The following CTNNA3 variants were observed in gnomAD, a reference collection of about 807,000 sequenced individuals.
CTNNA3 encodes the protein catenin alpha-3.
In CTNNA3, 76 loss-of-function variants were observed where a neutral mutation model predicts 95.7. That is an observed-to-expected ratio of 0.79 (90% CI 0.66 to 0.96). The LOEUF is 0.96. CTNNA3 is among the 40% of genes least tolerant of loss of function. CTNNA3 has a pLI of 0.00. For synonymous variants in CTNNA3, 431 were observed against 374.4 expected (o/e 1.15, Z -1.74); for missense variants, 1,191 against 1,089.8 (o/e 1.09, Z -1.31).
chr10:67,056,174 C>T (rs1341648111), intron 7 of CTNNA3, among the ~76,000 whole-genome samples: 1 of 152,114 alleles, frequency 6.6e-6, no homozygotes, highest in Non-Finnish European at 1.5e-5. Context: ...GAATTTATAT[C>T]ACATAAGAGT....
At chr10:66,688,909 G>A (rs1452966774) in intron 9 of CTNNA3, among the ~76,000 whole-genome samples, 1 of 150,760 alleles carries the variant, frequency 6.6e-6, no homozygotes, top group Non-Finnish European at 1.5e-5. Context: ...GGGAGGTGGA[G>A]CTTGCAGTGA....
intron 7 of CTNNA3, among the ~76,000 whole-genome samples, chr10:67,084,854 T>C (rs2131889869): frequency 6.6e-6 from 1 of 152,116 alleles, no homozygotes; most frequent in East Asian, 1.9e-4. Context: ...ATTCAGGTTA[T>C]AGATTAGCAG....
chr10:65,982,623 G>A (rs1230418015), intron 16 of CTNNA3, among the ~76,000 whole-genome samples: 5 of 150,584 alleles, frequency 3.3e-5, no homozygotes, highest in African/African-American at 1.2e-4. Context: ...ATCAATGAAT[G>A]ATAAAGAAAA....
intron 10 of CTNNA3, among the ~76,000 whole-genome samples, chr10:66,585,470 G>A (rs1433345757): frequency 1.3e-5 from 2 of 151,246 alleles, no homozygotes; most frequent in Non-Finnish European, 2.9e-5. Context: ...TCTTCTGCTT[G>A]GTCTAATCTA....
At chr10:66,344,688 A>G (rs569275447) in intron 12 of CTNNA3, among the ~76,000 whole-genome samples, 10 of 152,230 alleles carry the variant, frequency 6.6e-5, no homozygotes, top group Non-Finnish European at 8.8e-5. Flanking sequence ...TCTTCTCTCT[A>G]TGGTCCCAAA....
chr10:67,073,467 G>C (rs1856573025), intron 7 of CTNNA3, among the ~76,000 whole-genome samples: 1 of 151,512 alleles, frequency 6.6e-6, no homozygotes, highest in Non-Finnish European at 1.5e-5. Context: ...TAAATCCTTT[G>C]CCATCCTGAT....
intron 2 of CTNNA3, among the ~76,000 whole-genome samples, chr10:67,607,910 A>G (rs886799362): frequency 2.0e-5 from 3 of 152,238 alleles, no homozygotes; most frequent in Non-Finnish European, 4.4e-5. Context: ...AAAGAAATGC[A>G]TTTCATGCTT....
intron 13 of CTNNA3, among the ~76,000 whole-genome samples, chr10:66,179,213 C>T (rs1380075571): frequency 6.6e-6 from 1 of 151,868 alleles, no homozygotes; most frequent in Non-Finnish European, 1.5e-5. Context: ...CATGGAATCT[C>T]GCTTAGCAAT....
At chr10:66,952,526 T>G (rs1427401055) in intron 7 of CTNNA3, among the ~76,000 whole-genome samples, 3 of 152,070 alleles carry the variant, frequency 2.0e-5, no homozygotes, top group African/African-American at 7.2e-5. Flanking sequence ...AAAAATTAAT[T>G]GTGTGTGTAT....
chr10:66,768,338 C>T (rs72802624), intron 8 of CTNNA3, among the ~76,000 whole-genome samples: 10,770 of 152,048 alleles, frequency 0.071, 519 homozygotes, highest in Middle Eastern at 0.12. Context: ...CTAACTCAAG[C>T]GGAGAGTGTG....
intron 11 of CTNNA3, among the ~76,000 whole-genome samples, chr10:66,440,277 T>C (rs1327383065): frequency 6.6e-6 from 1 of 152,202 alleles, no homozygotes; most frequent in Non-Finnish European, 1.5e-5. Flanking sequence ...TGAGCATATA[T>C]ATGTTTATTT....
rs890319574 is a variant in CTNNA3, at chr10:66,202,206, A to T, written c.1884+78264T>A. Among the ~76,000 whole-genome samples, 143 of 152,282 alleles carry T rather than the reference A, an allele frequency of 9.4e-4. 1 individual carries two copies. The highest frequency in any genetic ancestry group is 3.4e-3 in the African/African-American group (140 of 41,558). The stretch of plus-strand genomic sequence containing the variant: ...ACATCCTACATTGCTTTTATTTCAC[A>T]GTTCCATACAATCTCCCCTCAACAC... On this transcript the variant is annotated intron_variant, in intron 13 of 17. Coordinates refer to ENST00000433211, the MANE Select transcript of CTNNA3 (RefSeq NM_013266.4).
At chr10:67,054,603 C>G (rs1216026139) in intron 7 of CTNNA3, 1 of 152,200 alleles carries the variant, frequency 6.6e-6, no homozygotes, top group African/African-American at 2.4e-5. Context: ...TTTCTTACCA[C>G]TCTTCCTTCC....
intron 9 of CTNNA3, among the ~76,000 whole-genome samples, chr10:66,757,362 T>C (rs984003933): frequency 1.3e-5 from 2 of 152,146 alleles, no homozygotes; most frequent in Non-Finnish European, 2.9e-5. Flanking sequence ...CTCAATAGCC[T>C]ATTGAGGATT....
rs1413708617 is a variant in CTNNA3, at chr10:66,444,271, CT to C, written c.1532-64920del. 2.0e-5 allele frequency among the ~76,000 whole-genome samples: 3 copies of C among 152,120 alleles called. No homozygotes were observed. The East Asian group carries it at 5.8e-4, about 29-fold the overall frequency. Reference sequence around the variant, plus strand: ...CTCTGCAGGATATTATCCAGGAGAACTTCCCCAGTCTAGCAAGGCAGGCCAA... The same window carrying C: ...CTCTGCAGGATATTATCCAGGAGAACTCCCCAGTCTAGCAAGGCAGGCCAA... On this transcript the variant is annotated intron_variant, in intron 11 of 17. Transcript: ENST00000433211.
intron 13 of CTNNA3, among the ~76,000 whole-genome samples, chr10:66,131,739 A>G (rs994093265): frequency 6.6e-5 from 10 of 152,156 alleles, no homozygotes; most frequent in Admixed American, 1.3e-4. Flanking sequence ...GAGCCCAGAA[A>G]TAAGGCCGCA....
At chr10:65,952,239 T>C (rs761687290) in intron 17 of CTNNA3, among the ~76,000 whole-genome samples, 1 of 152,090 alleles carries the variant, frequency 6.6e-6, no homozygotes, top group Non-Finnish European at 1.5e-5. Context: ...TTTATTACAA[T>C]GCAATACAAA....
intron 9 of CTNNA3, among the ~76,000 whole-genome samples, chr10:66,626,087 A>G (rs1399360965): frequency 6.6e-6 from 1 of 152,186 alleles, no homozygotes; most frequent in South Asian, 2.1e-4. Context: ...TTTTAAATAA[A>G]TTGAATATCA....
chr10:66,980,194 C>T (rs942779), intron 7 of CTNNA3, among the ~76,000 whole-genome samples: 8 of 151,980 alleles, frequency 5.3e-5, no homozygotes, highest in African/African-American at 1.5e-4. Flanking sequence ...AACTGACCTA[C>T]GGCAGTCAAT....
Sources: gnomAD v4.1 joint callset for allele counts (sites outside exome capture counted in the v4.1 genomes callset) on GRCh38, gnomAD v4.1.1 for gene constraint, MANE v1.5 for transcripts, NCBI Gene and HGNC (gene_info 2026-07-23, HGNC 2026-07-21) for gene names.